The following TCF12 variants were observed in gnomAD, a reference collection of about 807,000 sequenced individuals.
The protein encoded by TCF12 is DNA-binding protein HTF4.
A neutral mutation model predicts 86.0 loss-of-function variants in TCF12; 45 were observed. The observed-to-expected ratio is 0.52, with a 90% CI of 0.41 to 0.67. The LOEUF is 0.67. Ranked by LOEUF, TCF12 falls within the 30% of genes least tolerant of loss-of-function variation. The pLI is 0.00. For missense variants in TCF12, 881 were observed against 859.9 expected (o/e 1.02, Z -0.31); for synonymous variants, 330 against 299.6 (o/e 1.10, Z -1.05).
intron 7 of TCF12, 137 bp from the exon 8 acceptor site, chr15:57,197,636 A>G: frequency 6.1e-6 from 5 of 817,174 alleles, no homozygotes; most frequent in Non-Finnish European, 7.7e-6. Context: ...TGAAGCCCTC[A>G]TTACTGTATT....
intron 3 of TCF12, among the ~76,000 whole-genome samples, chr15:57,025,081 C>CT (rs34260943): frequency 0.2 from 29,256 of 147,922 alleles, 3,081 homozygotes; most frequent in Non-Finnish European, 0.24. Flanking sequence ...TCCCCGCTAC[C>CT]TTTTTTTTTT....
rs80266302 is a variant in TCF12 at position 57,017,291 on chromosome 15, G to A, written c.149-46459G>A. On this transcript the variant is annotated intron_variant, in intron 3 of 20. Coordinates refer to ENST00000333725, the MANE Select transcript of TCF12 (RefSeq NM_207037.2). ...GGCATATACCCTTCAGCCTAGCAAT[G>A]CCATTTAAATGTATATGCCCTCTAG... Among the ~76,000 whole-genome samples, 1,178 of 152,310 alleles carry A rather than the reference G, an allele frequency of 7.7e-3. 16 individuals are homozygous for A. Among genetic ancestry groups the A allele is most frequent in the African/African-American group, 0.027 (1,115 of 41,554 alleles).
chr15:57,196,571 T>C (rs1597235255), intron 7 of TCF12, among the ~76,000 whole-genome samples: 1 of 152,332 alleles, frequency 6.6e-6, no homozygotes, highest in Middle Eastern at 3.4e-3. Context: ...ATTTGATCCA[T>C]TTTTTGTGTA....
intron 11 of TCF12, among the ~76,000 whole-genome samples, chr15:57,233,540 C>G (rs1211563781): frequency 6.6e-6 from 1 of 151,996 alleles, no homozygotes; most frequent in Non-Finnish European, 1.5e-5. Flanking sequence ...TCTCTCAGCT[C>G]TCTCACTCTG....
At chr15:57,272,771 G>A (rs1248386689) in intron 18 of TCF12, among the ~76,000 whole-genome samples, 2 of 152,166 alleles carry the variant, frequency 1.3e-5, no homozygotes, top group African/African-American at 4.8e-5. Flanking sequence ...AAGAGTTTCT[G>A]GAGAAATCTT....
chr15:57,167,879 C>A (rs2055018465), intron 6 of TCF12, among the ~76,000 whole-genome samples: 1 of 152,100 alleles, frequency 6.6e-6, no homozygotes, highest in South Asian at 2.1e-4. Context: ...TTATTCTAGT[C>A]ATTTAAAATA....
chr15:56,964,218 A>T (rs115050667), intron 3 of TCF12, among the ~76,000 whole-genome samples: 1 of 152,214 alleles, frequency 6.6e-6, no homozygotes, highest in Non-Finnish European at 1.5e-5. Flanking sequence ...AAAATTGTCT[A>T]AAGTTTTGGT....
At chr15:57,123,517 T>C (rs2051387093) in intron 5 of TCF12, among the ~76,000 whole-genome samples, 1 of 152,048 alleles carries the variant, frequency 6.6e-6, no homozygotes, top group Admixed American at 6.5e-5. Context: ...CTTCTCTTTT[T>C]TTTTTTCTTT....
chr15:57,204,902 C>G (rs2057736005), intron 8 of TCF12, among the ~76,000 whole-genome samples: 1 of 152,032 alleles, frequency 6.6e-6, no homozygotes, highest in African/African-American at 2.4e-5. Context: ...TATAGAGAAA[C>G]TGATAGCTCC....
intron 3 of TCF12, among the ~76,000 whole-genome samples, chr15:57,059,250 G>C (rs531297954): frequency 6.6e-6 from 1 of 152,312 alleles, no homozygotes; most frequent in African/African-American, 2.4e-5. Flanking sequence ...AGAGAGAAAT[G>C]TGTATGTGAT....
intron 13 of TCF12, chr15:57,247,319 C>T: frequency 1.5e-6 from 1 of 656,464 alleles, no homozygotes; most frequent in Non-Finnish European, 2.8e-6. Context: ...ATAGCCTCCT[C>T]TTCCATCAGA....
intron 4 of TCF12, among the ~76,000 whole-genome samples, chr15:57,067,676 A>G (rs1358312156): frequency 1.3e-5 from 2 of 152,008 alleles, no homozygotes; most frequent in African/African-American, 4.8e-5. Context: ...AGGAACAAAC[A>G]TTTGTTCCTT....
intron 20 of TCF12, among the ~76,000 whole-genome samples, chr15:57,285,495 G>T (rs929683888): frequency 1.3e-5 from 2 of 152,146 alleles, no homozygotes; most frequent in African/African-American, 4.8e-5. Context: ...ACCAGGAACT[G>T]GGACCAATAT....
intron 8 of TCF12, among the ~76,000 whole-genome samples, chr15:57,220,283 G>T (rs1246315100): frequency 6.6e-6 from 1 of 152,066 alleles, no homozygotes; most frequent in African/African-American, 2.4e-5. Context: ...TTGATGCTTT[G>T]TAGATGGAAG....
At chr15:57,045,821 C>G (rs1344526230) in intron 3 of TCF12, among the ~76,000 whole-genome samples, 8 of 151,810 alleles carry the variant, frequency 5.3e-5, no homozygotes, top group African/African-American at 1.9e-4. Context: ...GCTGGGATTA[C>G]AGACCTGAGC....
At chr15:57,015,709 T>TA (rs35872927) in intron 3 of TCF12, among the ~76,000 whole-genome samples, 59,621 of 152,080 alleles carry the variant, frequency 0.39, 14,435 homozygotes, top group Non-Finnish European at 0.53. Flanking sequence ...AACAAGGACT[T>TA]AGAGACTCAG....
At chr15:57,264,745 A>G (rs117770341) in intron 18 of TCF12, among the ~76,000 whole-genome samples, 1,825 of 151,510 alleles carry the variant, frequency 0.012, 15 homozygotes, top group Middle Eastern at 0.034. Context: ...ATACCTCCTA[A>G]AGGACCTGCC....
At chr15:57,101,927 G>C (rs1325993921) in intron 5 of TCF12, among the ~76,000 whole-genome samples, 1 of 152,116 alleles carries the variant, frequency 6.6e-6, no homozygotes, top group Non-Finnish European at 1.5e-5. Flanking sequence ...TTCCACACTT[G>C]TCCCTGGTAT....
At chr15:57,138,581 C>A (rs1252441692) in intron 5 of TCF12, among the ~76,000 whole-genome samples, 6 of 152,140 alleles carry the variant, frequency 3.9e-5, no homozygotes, top group African/African-American at 1.4e-4. Flanking sequence ...AGGGGTAATT[C>A]ATATATTCCA....
Sources: gnomAD v4.1 joint callset for allele counts (sites outside exome capture counted in the v4.1 genomes callset) on GRCh38, gnomAD v4.1.1 for gene constraint, MANE v1.5 for transcripts, NCBI Gene and HGNC (gene_info 2026-07-23, HGNC 2026-07-21) for gene names.